DGKA: variants seen among roughly 807,000 people sequenced by gnomAD.
The protein encoded by DGKA is diacylglycerol kinase alpha, also known as 80 kDa diacylglycerol kinase.
DGKA carries 35 observed loss-of-function variants against 105.0 expected under a neutral mutation model. That is an observed-to-expected ratio of 0.33 (90% CI 0.25 to 0.44). DGKA has a LOEUF of 0.44. Among genes scored for constraint, DGKA ranks in the 20% least tolerant of loss-of-function variants. The pLI, the probability that DGKA is intolerant of heterozygous loss-of-function variation, is 1.00. For synonymous variants in DGKA, 296 were observed against 332.0 expected (o/e 0.89, Z 1.18); for missense variants, 665 against 915.0 (o/e 0.73, Z 3.53).
chr12:55,940,792 AT>A lies in DGKA; in HGVS notation c.1017+73del. 1 of 1,600,990 alleles carries A rather than the reference AT, an allele frequency of 6.2e-7. No individual in the cohort carries two copies. Among genetic ancestry groups the A allele is most frequent in the Non-Finnish European group, 8.6e-7 (1 of 1,168,274 alleles). On this transcript the variant is annotated intron_variant, in intron 12 of 23. Coordinates refer to ENST00000331886, the MANE Select transcript of DGKA (RefSeq NM_001345.5). This position sits in a 1 kb window ranked among gnomAD's most constrained non-coding sequence, Gnocchi z 4.3. ...CGATTTCCCACACGCACAGAGTGGC[AT>A]TTAGAATAGAGAGCTCATACTTTTA...
chr12:55,937,288 A>T (rs1884951913), intron 3 of DGKA, 120 bp from the exon 4 acceptor site: 1 of 1,311,810 alleles, frequency 7.6e-7, no homozygotes, highest in African/African-American at 1.5e-5. Flanking sequence ...AAGAAACCAT[A>T]CTCCTGCCTC....
chr12:55,935,316 C>T (rs796123120), intron 1 of DGKA: 3 of 152,266 alleles, frequency 2.0e-5, no homozygotes, highest in African/African-American at 7.2e-5. Flanking sequence ...TATAACTTCC[C>T]CAAGTCACAC....
upstream of DGKA, chr12:55,927,404 C>T: frequency 2.8e-6 from 2 of 712,662 alleles, no homozygotes; most frequent in Non-Finnish European, 5.1e-6. Context: ...CCCAGGAACT[C>T]CTCGTACGTC....
chr12:55,927,936 A>G (rs1883227942), upstream of DGKA: 1 of 761,596 alleles, frequency 1.3e-6, no homozygotes, highest in South Asian at 1.9e-5. Context: ...GCAGGGTGAA[A>G]GCTTCTGGGC....
At position 55,942,247 on chromosome 12, in the gene DGKA, C is replaced by T. The variant is rs1356223942; in HGVS notation, c.1410C>T (p.Cys470=). ...GTACTGGAAATGATCTGGCTCGATG[C>T]CTAAGATGGGGAGGAGGTAAGTGGT... ...PLGTGNDLAR[C]LRWGGGYEGQ... Residue 470 remains cysteine (C), a synonymous_variant, in exon 17 of 24, where the codon TGC becomes TGT. Transcript: ENST00000331886. The T allele has an allele frequency of 1.2e-6, 2 of 1,614,084 alleles. No homozygotes were observed. Among genetic ancestry groups the T allele is most frequent in the East Asian group, 2.2e-5 (1 of 44,886 alleles).
At chr12:55,945,524 TA>T (rs1186812933) in intron 17 of DGKA, among the ~76,000 whole-genome samples, 2 of 152,222 alleles carry the variant, frequency 1.3e-5, no homozygotes, top group African/African-American at 4.8e-5. Context: ...CTCACTAGGC[TA>T]AAATCAAGGT....
chr12:55,936,797 C>T (rs752312513), intron 2 of DGKA: 2 of 808,738 alleles, frequency 2.5e-6, no homozygotes, highest in East Asian at 5.0e-5. Context: ...CGGCTCTCTA[C>T]CCACCTTCGC....
chr12:55,943,818 A>G (rs1256984846), intron 17 of DGKA, among the ~76,000 whole-genome samples: 4 of 152,100 alleles, frequency 2.6e-5, no homozygotes, highest in Non-Finnish European at 5.9e-5. Context: ...TCAGATCCTC[A>G]ACATCTGACT....
Position 55,936,499 on chromosome 12 carries a change from G to C in DGKA, c.-5G>C, listed in dbSNP as rs1450960271. ...TTTCTGGCCATCCTTGAGAAAAATA[G>C]ACAGATGGCCAAGGAGAGGGGCCTA... is the stretch of plus-strand genomic sequence containing the variant. On this transcript the variant is annotated 5_prime_UTR_variant, in exon 2 of 24. Coordinates refer to ENST00000331886, the MANE Select transcript of DGKA (RefSeq NM_001345.5). 6.2e-7 allele frequency: 1 copy of C among 1,613,860 alleles called. No individual in the cohort carries two copies. Among genetic ancestry groups the C allele is most frequent in the Non-Finnish European group, 8.5e-7 (1 of 1,179,806 alleles).
intron 17 of DGKA, 140 bp downstream of exon 17, chr12:55,942,403 A>T: frequency 2.6e-6 from 2 of 760,068 alleles, no homozygotes; most frequent in African/African-American, 3.5e-5. Flanking sequence ...ACAAAAGTGG[A>T]ATGTCCAAAA....
intron 17 of DGKA, among the ~76,000 whole-genome samples, chr12:55,947,051 T>C (rs1355254494): frequency 6.7e-6 from 1 of 150,240 alleles, no homozygotes; most frequent in Admixed American, 6.7e-5. Context: ...AATGGCGCGA[T>C]CTCGGCTCAT....
upstream of DGKA, among the ~76,000 whole-genome samples, chr12:55,928,068 C>T (rs541843296): frequency 6.6e-6 from 1 of 152,304 alleles, no homozygotes; most frequent in East Asian, 1.9e-4. Flanking sequence ...GCCGTACCTC[C>T]CTATTCTGCA....
At position 55,938,579 on chromosome 12, in the gene DGKA, A is replaced by G. The variant is rs374645352; in HGVS notation, c.399+19A>G. On this transcript the variant is annotated intron_variant, in intron 6 of 23. Coordinates refer to ENST00000331886, the MANE Select transcript of DGKA (RefSeq NM_001345.5). ...CAGCTCAGTGAGTTGGGGACCCTGT[A>G]TGCTGGGCAAGGGAATATGTGTTAA... The G allele has an allele frequency of 1.9e-6, 3 of 1,613,994 alleles. No individual in the cohort carries two copies. The highest frequency in any genetic ancestry group is 1.3e-5 in the African/African-American group (1 of 74,922).
chr12:55,949,963 AC>A (rs1887817059), intron 17 of DGKA, among the ~76,000 whole-genome samples: 2 of 149,680 alleles, frequency 1.3e-5, no homozygotes, highest in South Asian at 2.1e-4. Flanking sequence ...GTCACATGCC[AC>A]CACACCTGGC....
intron 15 of DGKA, 149 bp downstream of exon 15, chr12:55,941,733 T>C: frequency 1.2e-6 from 1 of 858,740 alleles, no homozygotes; most frequent in Non-Finnish European, 1.8e-6. Flanking sequence ...TTCCCTAGGG[T>C]CACTGGGTAT....
chr12:55,938,071 G>A lies in DGKA; in HGVS notation c.349+19G>A. The A allele has an allele frequency of 6.2e-7, 1 of 1,609,072 alleles. No homozygotes were observed. The highest frequency in any genetic ancestry group is 1.1e-5 in the South Asian group (1 of 90,934). On this transcript the variant is annotated intron_variant, in intron 5 of 23. Coordinates refer to ENST00000331886, the MANE Select transcript of DGKA (RefSeq NM_001345.5). ...TTAGAATGTGAGTTGCCCTTCTGAA[G>A]TGAGGTGGCAGGGCAGTGAAGGGAG...
chr12:55,939,563 G>A (rs749121432), intron 9 of DGKA, 34 bp downstream of exon 9: 2 of 1,601,398 alleles, frequency 1.2e-6, no homozygotes, highest in Middle Eastern at 1.9e-4. Context: ...AGGGGAAGAG[G>A]GTCAGCCCAG....
At chr12:55,929,612 C>G (rs1237861101), upstream of DGKA, 1 of 152,240 alleles carries the variant, frequency 6.6e-6, no homozygotes, top group Non-Finnish European at 1.5e-5. Context: ...GGAGAACAGG[C>G]TGTTGTTTTT....
In DGKA at chr12:55,938,916, A is replaced by G; in HGVS notation, c.401A>G (p.Glu134Gly). The G allele has an allele frequency of 6.2e-7, 1 of 1,614,220 alleles. No individual in the cohort carries two copies. Among genetic ancestry groups the G allele is most frequent in the Middle Eastern group, 1.6e-4 (1 of 6,062 alleles). ...TDRNGILDSS[E>G]VDKIILQMMR... Reference sequence around the variant, plus strand: ...TGGCTCTTGCCCTTTTTGCTCCAGGAAGTGGACAAAATTATCCTACAGATG... The same window carrying G: ...TGGCTCTTGCCCTTTTTGCTCCAGGGAGTGGACAAAATTATCCTACAGATG... Residue 134 changes from glutamate to glycine, a missense_variant and splice_region_variant, in exon 7 of 24, where the codon GAA (glutamate) becomes GGA (glycine). Glu to Gly is a moderately conservative substitution (Grantham distance 98, BLOSUM62 -2). This residue lies in a region of DGKA where 504 missense variants were observed against 681.2 expected (regional missense o/e 0.74). Transcript: ENST00000331886.
Sources: gnomAD v4.1 joint callset for allele counts (sites outside exome capture counted in the v4.1 genomes callset) on GRCh38, gnomAD v4.1.1 for gene constraint, gnomAD v4.1.1 regional missense constraint, Gnocchi (gnomAD v3.1) non-coding constraint, MANE v1.5 for transcripts, NCBI Gene and HGNC (gene_info 2026-07-23, HGNC 2026-07-21) for gene names.